Variants in KCNK2 observed in about 807,000 individuals in gnomAD.
The protein encoded by KCNK2 is potassium channel subfamily K member 2.
A neutral mutation model predicts 40.5 loss-of-function variants in KCNK2; 21 were observed. That is an observed-to-expected ratio of 0.52 (90% confidence interval 0.37 to 0.75). The LOEUF (loss-of-function observed/expected upper bound fraction) is 0.75, where lower values mean the gene tolerates loss of function less well. KCNK2 is among the 30% of genes least tolerant of loss of function. The pLI is 0.00. For synonymous variants in KCNK2, 191 were observed against 202.2 expected (o/e 0.94, Z 0.47); for missense variants, 399 against 531.6 (o/e 0.75, Z 2.45).
At position 215,230,542 on chromosome 1, in the gene KCNK2, TACAC is replaced by T. The variant is rs1400355059; in HGVS notation, c.964-4280_964-4277del. Among the ~76,000 whole-genome samples, 158 of 87,360 alleles carry T rather than the reference TACAC, an allele frequency of 1.8e-3. 2 individuals carry two copies. Among genetic ancestry groups the T allele is most frequent in the African/African-American group, 7.2e-3 (146 of 20,298 alleles). The allele number at this position is 87,360 out of a possible 152,430, so 57.3% of individuals were successfully genotyped here. ...ATATATATATATATATGTATATATA[TACAC>T]ACACATAACAGCCATATATATATAT... On this transcript the variant is annotated intron_variant, in intron 6 of 6. Coordinates refer to ENST00000444842, the MANE Select transcript of KCNK2 (RefSeq NM_001017425.3).
chr1:215,127,114 T>C (rs1381940124), intron 3 of KCNK2, among the ~76,000 whole-genome samples: 2 of 152,200 alleles, frequency 1.3e-5, no homozygotes, highest in African/African-American at 4.8e-5. Flanking sequence ...AATAGCTGCA[T>C]TGCATAAGAC....
chr1:215,089,044 G>A (rs1297290561), intron 2 of KCNK2, among the ~76,000 whole-genome samples: 1 of 152,162 alleles, frequency 6.6e-6, no homozygotes, highest in Admixed American at 6.5e-5. Flanking sequence ...CAAGGATCAA[G>A]ATTAGTGTGT....
intron 6 of KCNK2, among the ~76,000 whole-genome samples, chr1:215,216,424 TTATAA>T (rs1475208343): frequency 7.7e-6 from 1 of 130,036 alleles, no homozygotes. Context: ...ATATTATATG[TTATAA>T]TATATATTTG....
At chr1:215,196,394 A>G (rs1348002900) in intron 6 of KCNK2, among the ~76,000 whole-genome samples, 1 of 152,096 alleles carries the variant, frequency 6.6e-6, no homozygotes, top group Non-Finnish European at 1.5e-5. Flanking sequence ...GCCAAGTCAT[A>G]CAATTTTTTA....
At chr1:215,185,664 T>C (rs557808338) in intron 5 of KCNK2, among the ~76,000 whole-genome samples, 1 of 152,206 alleles carries the variant, frequency 6.6e-6, no homozygotes, top group Non-Finnish European at 1.5e-5. Flanking sequence ...CTAAAGACAG[T>C]GTTCTCGCTT....
chr1:215,110,031 T>A (rs1242203832), intron 2 of KCNK2, among the ~76,000 whole-genome samples: 3 of 152,134 alleles, frequency 2.0e-5, no homozygotes, highest in African/African-American at 7.2e-5. Flanking sequence ...TTGAGAAATG[T>A]CTATTTATGT....
chr1:215,155,002 T>C lies in KCNK2; in HGVS notation c.476-14197T>C, dbSNP rs139222352. On this transcript the variant is annotated intron_variant, in intron 3 of 6. Coordinates refer to ENST00000444842, the MANE Select transcript of KCNK2 (RefSeq NM_001017425.3). ...TCATATTTATCCTTTGTTTTCTTTA[T>C]GGCTCTTACCTAGTAGTTACATTTA... Among the ~76,000 whole-genome samples, 119 of 152,318 alleles carry C rather than the reference T, an allele frequency of 7.8e-4. 1 individual carries two copies. The highest frequency in any genetic ancestry group is 2.6e-3 in the African/African-American group (109 of 41,580).
In KCNK2 at chr1:215,013,532, C is replaced by T. The variant is rs186824869; in HGVS notation, c.34+7577C>T. Among the ~76,000 whole-genome samples, 22 of 152,220 alleles carry T rather than the reference C, an allele frequency of 1.4e-4. No individual in the cohort carries two copies. The East Asian group carries it at 1.5e-3, about 11-fold the overall frequency. On this transcript the variant is annotated intron_variant, in intron 1 of 6. Transcript: ENST00000391895. ...AATTTGGAAAAAATTGATATCTAAA[C>T]GATACTGAGCCTTCCAGAAGAAGTG... is the stretch of plus-strand genomic sequence containing the variant.
At position 215,169,320 on chromosome 1, in the gene KCNK2, A is replaced by G; in HGVS notation, c.597A>G (p.Ile199Met). ...GAGTTGGAGATCAGCTAGGCACCAT[A>G]TTTGGAAAAGGAATTGCCAAAGTGG... Reference protein sequence around the residue: ...LAGVGDQLGTIFGKGIAKVED... With the variant: ...LAGVGDQLGTMFGKGIAKVED... Residue 199 changes from isoleucine (I) to methionine (M), a missense_variant, in exon 4 of 7, where the codon ATA (isoleucine) becomes ATG (methionine). Transcript: ENST00000444842. 6.2e-7 allele frequency: 1 copy of G among 1,612,962 alleles called. No individual in the cohort carries two copies. The highest frequency in any genetic ancestry group is 8.5e-7 in the Non-Finnish European group (1 of 1,179,482).
At chr1:215,207,009 G>A (rs12753507) in intron 6 of KCNK2, among the ~76,000 whole-genome samples, 81,188 of 151,936 alleles carry the variant, frequency 0.53, 22,548 homozygotes, top group East Asian at 0.67. Flanking sequence ...TCTGCTTACC[G>A]CTCCAGACAA....
At chr1:215,234,447 T>G (rs1395114928) in intron 6 of KCNK2, among the ~76,000 whole-genome samples, 1 of 152,220 alleles carries the variant, frequency 6.6e-6, no homozygotes, top group Admixed American at 6.5e-5. Flanking sequence ...CCTTTGTACA[T>G]TCCAATACTT....
At chr1:215,086,733 TAGG>T in intron 2 of KCNK2, 55 bp downstream of exon 2, 1 of 1,504,888 alleles carries the variant, frequency 6.6e-7, no homozygotes, top group Non-Finnish European at 9.1e-7. Context: ...AATAAAGTGA[TAGG>T]AGGAGACAAC....
intron 6 of KCNK2, among the ~76,000 whole-genome samples, chr1:215,224,068 A>G (rs909226139): frequency 3.4e-4 from 52 of 152,292 alleles, no homozygotes; most frequent in African/African-American, 1.0e-3. Context: ...AAGTTTATAT[A>G]GATAAGTTAA....
At chr1:215,207,109 T>G (rs186495867) in intron 6 of KCNK2, among the ~76,000 whole-genome samples, 2 of 152,250 alleles carry the variant, frequency 1.3e-5, no homozygotes, top group Admixed American at 1.3e-4. Context: ...GCAAACATAC[T>G]CTCCCCCAAA....
At chr1:215,141,498 A>G (rs1016543871) in intron 3 of KCNK2, among the ~76,000 whole-genome samples, 4 of 152,086 alleles carry the variant, frequency 2.6e-5, no homozygotes, top group Non-Finnish European at 5.9e-5. Flanking sequence ...AATGTTACGC[A>G]GCACATGACT....
chr1:215,054,678 G>A (rs540851143), intron 1 of KCNK2, among the ~76,000 whole-genome samples: 2 of 152,264 alleles, frequency 1.3e-5, no homozygotes, highest in African/African-American at 4.8e-5. Context: ...AATAACAAGT[G>A]ATAATGCAAA....
chr1:215,225,670 T>G (rs1666357437), intron 6 of KCNK2, among the ~76,000 whole-genome samples: 1 of 152,178 alleles, frequency 6.6e-6, no homozygotes, highest in African/African-American at 2.4e-5. Flanking sequence ...GTCTGGTCTA[T>G]TCAAATTACC....
At chr1:215,082,143 G>A (rs1381071553), upstream of KCNK2, 3 of 152,166 alleles carry the variant, frequency 2.0e-5, no homozygotes, top group South Asian at 4.1e-4. Context: ...CTGGCTCCAG[G>A]TGCGTTCCCC....
intron 6 of KCNK2, among the ~76,000 whole-genome samples, chr1:215,233,592 T>TTATA (rs1666762049): frequency 6.6e-6 from 1 of 152,194 alleles, no homozygotes; most frequent in African/African-American, 2.4e-5. Flanking sequence ...AAACTATCAG[T>TTATA]TATATTTCCT....
Sources: allele counts gnomAD v4.1 joint callset (sites outside exome capture counted in the v4.1 genomes callset), GRCh38; gene constraint gnomAD v4.1.1; transcripts MANE v1.5; gene names NCBI Gene and HGNC (gene_info 2026-07-23, HGNC 2026-07-21).